ZNF664: variants seen among roughly 807,000 people sequenced by gnomAD.
The protein encoded by ZNF664 is zinc finger Organ of Corti 1.
A neutral mutation model predicts 18.2 loss-of-function variants in ZNF664; 10 were observed. The observed-to-expected ratio is 0.55, with a 90% CI of 0.34 to 0.93. ZNF664 has a LOEUF of 0.93. Ranked by LOEUF, ZNF664 falls within the 40% of genes least tolerant of loss-of-function variation. The probability of loss-of-function intolerance (pLI) is 0.02; values close to 1 mark genes in which losing one functional copy is unlikely to be tolerated. For synonymous variants in ZNF664, 119 were observed against 104.2 expected (o/e 1.14, Z -0.86); for missense variants, 193 against 319.0 (o/e 0.61, Z 3.01).
intron 3 of ZNF664, among the ~76,000 whole-genome samples, chr12:123,990,456 T>C (rs1041981187): frequency 6.6e-6 from 1 of 152,182 alleles, no homozygotes; most frequent in Non-Finnish European, 1.5e-5. Context: ...CTTCCTTCTT[T>C]TAGTTGGCTA....
intron 3 of ZNF664, among the ~76,000 whole-genome samples, chr12:124,004,064 G>T (rs1218747778): frequency 1.3e-5 from 2 of 152,200 alleles, no homozygotes; most frequent in Non-Finnish European, 2.9e-5. Context: ...AGGCCACTGG[G>T]TGCAAGCCTA....
At chr12:123,997,864 G>A (rs966271836) in intron 3 of ZNF664, 2 of 152,232 alleles carry the variant, frequency 1.3e-5, no homozygotes, top group African/African-American at 4.8e-5. Flanking sequence ...ATTAGAACAC[G>A]GGGATTTGGC....
At chr12:123,977,218 A>T (rs892683142) in intron 2 of ZNF664, among the ~76,000 whole-genome samples, 1 of 152,214 alleles carries the variant, frequency 6.6e-6, no homozygotes, top group African/African-American at 2.4e-5. Flanking sequence ...AGTATCAGAG[A>T]GTCAAATTAA....
intron 2 of ZNF664, among the ~76,000 whole-genome samples, chr12:123,987,120 C>T (rs181563648): frequency 6.6e-6 from 1 of 152,336 alleles, no homozygotes; most frequent in Non-Finnish European, 1.5e-5. Context: ...ATGGATCATT[C>T]TAACCACATG....
At chr12:124,002,419 A>G (rs762873243) in intron 3 of ZNF664, among the ~76,000 whole-genome samples, 34 of 152,248 alleles carry the variant, frequency 2.2e-4, no homozygotes, top group Non-Finnish European at 1.5e-5. Flanking sequence ...ACGTTCTCTA[A>G]CTTACATTTT....
At chr12:124,005,244 G>A (rs1019154714) in intron 3 of ZNF664, among the ~76,000 whole-genome samples, 1 of 152,182 alleles carries the variant, frequency 6.6e-6, no homozygotes, top group African/African-American at 2.4e-5. Context: ...AAGAAACCGT[G>A]AGCTTTTTGC....
Position 124,012,511 on chromosome 12 carries a change from G to T in ZNF664, c.367G>T (p.Gly123Cys), listed in dbSNP as rs756921497. 1 of 1,614,194 alleles carries T rather than the reference G, an allele frequency of 6.2e-7. No homozygotes were observed. Among genetic ancestry groups the T allele is most frequent in the Non-Finnish European group, 8.5e-7 (1 of 1,180,044 alleles). Residue 123 changes from glycine to cysteine, a missense_variant, in exon 5 of 5, where the codon GGC (glycine) becomes TGC (cysteine). Transcript: ENST00000337815. ...GTATGTCTGTAGTGAGTGTGGAAGG[G>T]GCTTTAGTAATAGTTCAAACCTTTG... ...KPYVCSECGRGFSNSSNLCMH... is the reference protein window; with the variant it reads ...KPYVCSECGRCFSNSSNLCMH...
At chr12:123,993,171 G>A in intron 3 of ZNF664, among the ~76,000 whole-genome samples, 1 of 152,178 alleles carries the variant, frequency 6.6e-6, no homozygotes, top group East Asian at 1.9e-4. Context: ...TTGTCAAGGA[G>A]AGAGGTCTAG....
Position 124,014,711 on chromosome 12 carries a change from T to C in ZNF664, c.*1781T>C, listed in dbSNP as rs990331467. 2 of 167,098 alleles carry C rather than the reference T, an allele frequency of 1.2e-5. No homozygotes were observed. Among genetic ancestry groups the C allele is most frequent in the African/African-American group, 2.4e-5 (1 of 41,462 alleles). 10.4% of individuals were successfully genotyped at this position (167,098 alleles called of 1,614,324 possible). A position where few individuals can be genotyped will look rare whatever the true frequency, so the allele number is the denominator to read the frequency against. ...AAATACTGAAAGTTTGATTTTTCTT[T>C]CCATATTTGAATTAATTTTTTCTGT... On this transcript the variant is annotated 3_prime_UTR_variant, in exon 5 of 5. Transcript: ENST00000337815.
chr12:124,007,251 A>G (rs140947213), intron 3 of ZNF664, among the ~76,000 whole-genome samples: 1 of 152,310 alleles, frequency 6.6e-6, no homozygotes, highest in East Asian at 1.9e-4. Context: ...ATGCCTGAAG[A>G]AGAACTCTAG....
chr12:124,009,208 G>C (rs1383510891), intron 3 of ZNF664, among the ~76,000 whole-genome samples: 1 of 152,146 alleles, frequency 6.6e-6, no homozygotes, highest in African/African-American at 2.4e-5. Flanking sequence ...GTTGAAAGAA[G>C]TGTGATTTCT....
rs924082103 is a variant in ZNF664 at position 123,973,976 on chromosome 12, A to G, written c.-801A>G. ...CAGCGCAGAAGGCTGCTGCCGCCGG[A>G]CGCCTCCATTGTTTGACCACAACAA... On this transcript the variant is annotated 5_prime_UTR_variant, in exon 2 of 5. Coordinates refer to ENST00000337815, the MANE Select transcript of ZNF664 (RefSeq NM_152437.3). 8.1e-7 allele frequency: 1 copy of G among 1,231,880 alleles called. No homozygotes were observed. Among genetic ancestry groups the G allele is most frequent in the Non-Finnish European group, 1.0e-6 (1 of 988,084 alleles). The allele number at this position is 1,231,880 out of a possible 1,614,324, so 76.3% of individuals were successfully genotyped here.
chr12:124,011,860 G>A lies in ZNF664; in HGVS notation c.-285G>A. The A allele has an allele frequency of 8.2e-7, 1 of 1,218,380 alleles. No homozygotes were observed. The highest frequency in any genetic ancestry group is 4.7e-5 in the East Asian group (1 of 21,424). The allele number at this position is 1,218,380 out of a possible 1,614,324, so 75.5% of individuals were successfully genotyped here. A position where few individuals can be genotyped will look rare whatever the true frequency, so the allele number is the denominator to read the frequency against. On this transcript the variant is annotated 5_prime_UTR_variant, in exon 5 of 5. Transcript: ENST00000337815. The stretch of plus-strand genomic sequence containing the variant: ...GCCCCTTGGAATGTTGACAACTCAG[G>A]ATCTAAAACAAAGTTCTGTGTTAAT...
chr12:124,012,047 A>G lies in ZNF664; in HGVS notation c.-98A>G. 2.0e-6 allele frequency: 3 copies of G among 1,475,382 alleles called. No individual in the cohort carries two copies. Among genetic ancestry groups the G allele is most frequent in the Non-Finnish European group, 1.8e-6 (2 of 1,122,076 alleles). The allele number at this position is 1,475,382 out of a possible 1,614,324, so 91.4% of individuals were successfully genotyped here. On this transcript the variant is annotated 5_prime_UTR_variant, in exon 5 of 5. Transcript: ENST00000337815. ...TAGAGCAAGCCTGAGATAGACTGCC[A>G]AAATGGCCAAATAAGAGACTCTATG...
At chr12:123,991,720 G>A (rs1956891276) in intron 3 of ZNF664, among the ~76,000 whole-genome samples, 1 of 152,212 alleles carries the variant, frequency 6.6e-6, no homozygotes, top group Non-Finnish European at 1.5e-5. Context: ...CCTATACCCA[G>A]TGATGTCATT....
chr12:123,995,259 A>G (rs1346266729), intron 3 of ZNF664, among the ~76,000 whole-genome samples: 1 of 152,236 alleles, frequency 6.6e-6, no homozygotes, highest in Non-Finnish European at 1.5e-5. Flanking sequence ...TAGTTTACAG[A>G]CAAAGAACAT....
At position 124,012,132 on chromosome 12, in the gene ZNF664, C is replaced by G; in HGVS notation, c.-13C>G. ...AAATTTTCTCCTTGAAATCACGATACCAAATAGGAAAAATGATCTACAAGT... is the reference window on the plus strand; with the variant it reads ...AAATTTTCTCCTTGAAATCACGATAGCAAATAGGAAAAATGATCTACAAGT... On this transcript the variant is annotated 5_prime_UTR_variant, in exon 5 of 5. Transcript: ENST00000337815. The G allele has an allele frequency of 6.3e-7, 1 of 1,592,730 alleles. No homozygotes were observed. The highest frequency in any genetic ancestry group is 8.5e-7 in the Non-Finnish European group (1 of 1,173,324).
intron 3 of ZNF664, among the ~76,000 whole-genome samples, chr12:123,996,123 C>T (rs1956945099): frequency 6.6e-6 from 1 of 152,150 alleles, no homozygotes. Flanking sequence ...CAGGCAGGTA[C>T]ATTGAAGAAA....
intron 3 of ZNF664, among the ~76,000 whole-genome samples, chr12:123,998,916 G>A (rs372713693): frequency 2.0e-5 from 3 of 152,328 alleles, no homozygotes; most frequent in East Asian, 1.9e-4. Context: ...CTGTGTCAGG[G>A]TGGGCTGGCT....
Sources: allele counts gnomAD v4.1 joint callset (sites outside exome capture counted in the v4.1 genomes callset), GRCh38; gene constraint gnomAD v4.1.1; transcripts MANE v1.5; gene names NCBI Gene and HGNC (gene_info 2026-07-23, HGNC 2026-07-21).